The following SIK3 variants were observed in gnomAD, a reference collection of about 807,000 sequenced individuals.
SIK3 encodes SIK family kinase 3.
A neutral mutation model predicts 144.2 loss-of-function variants in SIK3; 28 were observed. That is an observed-to-expected ratio of 0.19 (90% CI 0.14 to 0.27). The LOEUF (loss-of-function observed/expected upper bound fraction) is 0.27. SIK3 is among the 10% of genes least tolerant of loss of function. The pLI is 1.00. For missense variants in SIK3, 1,319 were observed against 1,776.0 expected, an observed-to-expected ratio of 0.74 and a Z score of 4.62; for synonymous variants, 686 against 676.3, an observed-to-expected ratio of 1.01 and a Z score of -0.22.
At chr11:117,065,196 C>T (rs1002044986) in intron 1 of SIK3, among the ~76,000 whole-genome samples, 17 of 150,956 alleles carry the variant, frequency 1.1e-4, no homozygotes, top group Admixed American at 6.6e-4. Context: ...ATAATAATTT[C>T]GTCTCTAGTG....
At chr11:116,972,795 CACACACACAT>C (rs1462300540) in intron 1 of SIK3, among the ~76,000 whole-genome samples, 1 of 150,512 alleles carries the variant, frequency 6.6e-6, no homozygotes, top group Non-Finnish European at 1.5e-5. Context: ...GGTTCTCTCT[CACACACACAT>C]ACACACACAC....
At chr11:116,950,062 C>A in intron 3 of SIK3, 1 of 464,166 alleles carries the variant, frequency 2.2e-6, no homozygotes, top group Non-Finnish European at 4.5e-6. Flanking sequence ...CTCCTAGCAG[C>A]AAAAGACAGT....
intron 1 of SIK3, among the ~76,000 whole-genome samples, chr11:117,065,745 T>C (rs1953982244): frequency 6.6e-6 from 1 of 151,792 alleles, no homozygotes; most frequent in Non-Finnish European, 1.5e-5. Flanking sequence ...TTCATCTGCC[T>C]CAGCCACCCT....
At chr11:116,931,241 C>A (rs1207477040) in intron 3 of SIK3, among the ~76,000 whole-genome samples, 1 of 152,118 alleles carries the variant, frequency 6.6e-6, no homozygotes, top group Non-Finnish European at 1.5e-5. Context: ...TATTAGAGCA[C>A]CAGCACGTAA....
At chr11:116,931,145 GAAGT>G (rs1448870635) in intron 3 of SIK3, among the ~76,000 whole-genome samples, 8 of 152,152 alleles carry the variant, frequency 5.3e-5, no homozygotes, top group African/African-American at 9.7e-5. Context: ...AAAATGAAAA[GAAGT>G]AAGTGACACT....
chr11:117,024,280 G>A (rs146835879), intron 1 of SIK3, among the ~76,000 whole-genome samples: 94 of 148,828 alleles, frequency 6.3e-4, no homozygotes, highest in African/African-American at 1.9e-3. Flanking sequence ...CCTCAAAGGC[G>A]GAAAGGAAAA....
At chr11:116,909,758 T>C (rs1318990676) in intron 4 of SIK3, among the ~76,000 whole-genome samples, 1 of 151,842 alleles carries the variant, frequency 6.6e-6, no homozygotes, top group Non-Finnish European at 1.5e-5. Flanking sequence ...TTAAAACAAC[T>C]CACTGACTAA....
intron 3 of SIK3, among the ~76,000 whole-genome samples, chr11:116,947,269 T>G (rs936231925): frequency 8.5e-6 from 1 of 117,532 alleles, no homozygotes; most frequent in African/African-American, 3.3e-5. Context: ...ATATTATATA[T>G]ATATATAAAG....
chr11:117,020,246 T>TATAC lies in SIK3; in HGVS notation c.274-63183_274-63182insGTAT. ...GTATGTGTATATGTGCATATATATA[T>TATAC]ACACATACATATATCTCCATGGTTC... On this transcript the variant is annotated intron_variant, in intron 1 of 24. Coordinates refer to ENST00000445177, the MANE Select transcript of SIK3 (RefSeq NM_001366686.3). 8.2e-4 allele frequency among the ~76,000 whole-genome samples: 105 copies of TATAC among 127,304 alleles called. 7 individuals are homozygous for TATAC. Among genetic ancestry groups the TATAC allele is most frequent in the African/African-American group, 3.5e-3 (100 of 28,826 alleles). The allele number at this position is 127,304 out of a possible 152,430, so 83.5% of individuals were successfully genotyped here.
At chr11:116,892,890 G>A (rs774585152) in intron 6 of SIK3, among the ~76,000 whole-genome samples, 72 of 152,098 alleles carry the variant, frequency 4.7e-4, no homozygotes, top group Non-Finnish European at 5.4e-4. Flanking sequence ...AAAAAGAAAC[G>A]GGCTCTCAAG....
intron 4 of SIK3, among the ~76,000 whole-genome samples, chr11:116,924,525 T>C (rs879475616): frequency 1.3e-5 from 2 of 152,080 alleles, no homozygotes; most frequent in Non-Finnish European, 2.9e-5. Flanking sequence ...ATGAACAACA[T>C]TCTCTTCATT....
In SIK3 at chr11:117,018,177, G is replaced by A. The variant is rs182516895; in HGVS notation, c.274-61113C>T. On this transcript the variant is annotated intron_variant, in intron 1 of 24. Transcript: ENST00000445177. ...TATACTGGGGGACTGGTTCCAGGAA[G>A]GACCCCTGAGTACACCAAATTACAC... Among the ~76,000 whole-genome samples the A allele has an allele frequency of 2.2e-4, 34 of 152,178 alleles. No homozygotes were observed. The South Asian group carries it at 2.9e-3, about 13-fold the overall frequency.
intron 15 of SIK3, chr11:116,864,393 G>A (rs1204726124): frequency 2.0e-5 from 3 of 152,340 alleles, no homozygotes; most frequent in Non-Finnish European, 4.4e-5. Context: ...AATTCTTAAG[G>A]AATGTGGGCC....
chr11:117,008,964 G>A (rs1011170937), intron 1 of SIK3, among the ~76,000 whole-genome samples: 2 of 152,126 alleles, frequency 1.3e-5, no homozygotes, highest in Non-Finnish European at 2.9e-5. Context: ...GCCAGGTGCG[G>A]TGGCTCACAC....
chr11:117,097,645 C>T (rs1035452831), intron 1 of SIK3, among the ~76,000 whole-genome samples: 1 of 152,140 alleles, frequency 6.6e-6, no homozygotes, highest in Non-Finnish European at 1.5e-5. Context: ...CAGCGCCCTG[C>T]AGACGTGCAC....
At chr11:116,927,545 T>A (rs926042778) in intron 3 of SIK3, among the ~76,000 whole-genome samples, 165 bp from the exon 4 acceptor site, 2 of 152,218 alleles carry the variant, frequency 1.3e-5, no homozygotes, top group Non-Finnish European at 2.9e-5. Flanking sequence ...CTATCAAAAT[T>A]CATTAGTAAT....
rs1360997899 is a variant in SIK3 at position 116,843,806 on chromosome 11, C to A, written c.*1837G>T. The A allele has an allele frequency of 2.6e-5, 4 of 152,126 alleles. No homozygotes were observed. The highest frequency in any genetic ancestry group is 6.6e-5 in the Admixed American group (1 of 15,260). 9.4% of individuals were successfully genotyped at this position (152,126 alleles called of 1,614,324 possible). On this transcript the variant is annotated 3_prime_UTR_variant, in exon 25 of 25. Transcript: ENST00000445177. ...CCCCCTTCTGGTGAGTAGTTGGTGA[C>A]CCCACCAAGTGGAGGGGAGACTGGG...
At chr11:117,081,662 G>T (rs1954795425) in intron 1 of SIK3, among the ~76,000 whole-genome samples, 1 of 152,148 alleles carries the variant, frequency 6.6e-6, no homozygotes, top group South Asian at 2.1e-4. Context: ...AGTCTTTGAG[G>T]CTAGAAAACG....
chr11:116,983,774 A>G (rs1950231941), intron 1 of SIK3, among the ~76,000 whole-genome samples: 1 of 151,924 alleles, frequency 6.6e-6, no homozygotes. Context: ...CTGAACCACA[A>G]CTGAAGAAAA....
Sources: allele counts gnomAD v4.1 joint callset (sites outside exome capture counted in the v4.1 genomes callset), GRCh38; gene constraint gnomAD v4.1.1; transcripts MANE v1.5; gene names NCBI Gene and HGNC (gene_info 2026-07-23, HGNC 2026-07-21).